Variants in PTPRT observed in about 807,000 individuals in gnomAD.
The protein encoded by PTPRT is protein tyrosine phosphatase receptor type T.
Under a neutral mutation model 176.8 loss-of-function variants are expected in PTPRT, and 56 were observed. That is an observed-to-expected ratio of 0.32 (90% confidence interval 0.26 to 0.40). PTPRT has a LOEUF of 0.40. Ranked by LOEUF, PTPRT falls within the 10% of genes least tolerant of loss-of-function variation. The pLI, the probability that PTPRT is intolerant of heterozygous loss-of-function variation, is 1.00. For missense variants in PTPRT, 1,540 were observed against 1,908.2 expected (o/e 0.81, Z 3.60); for synonymous variants, 783 against 739.0 (o/e 1.06, Z -0.96).
chr20:42,294,853 G>A (rs1176701463), intron 12 of PTPRT, among the ~76,000 whole-genome samples: 1 of 151,996 alleles, frequency 6.6e-6, no homozygotes, highest in Admixed American at 6.6e-5. Context: ...CCTCAGAAAT[G>A]AAGATTAAAT....
chr20:42,450,362 C>G (rs2070806586), intron 8 of PTPRT, among the ~76,000 whole-genome samples: 1 of 152,224 alleles, frequency 6.6e-6, no homozygotes, highest in African/African-American at 2.4e-5. Context: ...CAACAGAAGA[C>G]TATGTCTGTT....
intron 1 of PTPRT, among the ~76,000 whole-genome samples, chr20:43,076,806 G>C (rs1021342956): frequency 3.9e-5 from 6 of 152,078 alleles, no homozygotes; most frequent in African/African-American, 1.4e-4. Flanking sequence ...AGGTCCCTGG[G>C]TCTCTATTAA....
chr20:42,819,809 A>G (rs2077859043), intron 2 of PTPRT, among the ~76,000 whole-genome samples: 1 of 152,220 alleles, frequency 6.6e-6, no homozygotes. Flanking sequence ...AACAAAGATC[A>G]AAAAAGACAA....
At chr20:42,509,950 T>A (rs1331253201) in intron 7 of PTPRT, among the ~76,000 whole-genome samples, 1 of 152,112 alleles carries the variant, frequency 6.6e-6, no homozygotes, top group African/African-American at 2.4e-5. Context: ...GAACCTGGGC[T>A]GTGAAGTCAG....
chr20:42,903,133 A>C (rs2079428060), intron 1 of PTPRT, among the ~76,000 whole-genome samples: 1 of 152,362 alleles, frequency 6.6e-6, no homozygotes, highest in East Asian at 1.9e-4. Flanking sequence ...GGGTATGGAA[A>C]TGGATCCTTA....
intron 16 of PTPRT, among the ~76,000 whole-genome samples, chr20:42,196,155 T>C (rs1006552057): frequency 3.9e-5 from 6 of 152,120 alleles, no homozygotes; most frequent in Non-Finnish European, 8.8e-5. Flanking sequence ...CTTTTACAAA[T>C]GGAAAAAAGT....
chr20:42,210,814 C>T (rs1232526750), intron 15 of PTPRT, among the ~76,000 whole-genome samples: 3 of 152,148 alleles, frequency 2.0e-5, no homozygotes, highest in Admixed American at 6.6e-5. Flanking sequence ...TCATATGGAA[C>T]CAAAGAAGAG....
intron 11 of PTPRT, among the ~76,000 whole-genome samples, chr20:42,316,743 C>T (rs761376911): frequency 3.9e-5 from 6 of 152,180 alleles, no homozygotes; most frequent in Non-Finnish European, 5.9e-5. Flanking sequence ...TGGATCTCAC[C>T]TCATGCATTA....
At chr20:43,146,272 C>T (rs1409478056) in intron 1 of PTPRT, among the ~76,000 whole-genome samples, 15 of 152,200 alleles carry the variant, frequency 9.9e-5, no homozygotes, top group Non-Finnish European at 2.9e-5. Flanking sequence ...AATATGCCAA[C>T]CAGTCCCAGC....
At chr20:42,511,108 A>C (rs1342421363) in intron 7 of PTPRT, among the ~76,000 whole-genome samples, 2 of 152,126 alleles carry the variant, frequency 1.3e-5, no homozygotes, top group Non-Finnish European at 2.9e-5. Context: ...ACATGGCCAC[A>C]TGATGCTCCA....
intron 2 of PTPRT, among the ~76,000 whole-genome samples, chr20:42,851,001 T>C (rs926984503): frequency 6.6e-5 from 10 of 152,214 alleles, no homozygotes; most frequent in Non-Finnish European, 1.5e-5. Context: ...CGTTGCTAAG[T>C]CAAACTTGCA....
chr20:42,163,441 T>A (rs972539660), intron 16 of PTPRT, among the ~76,000 whole-genome samples: 2 of 152,156 alleles, frequency 1.3e-5, no homozygotes, highest in Non-Finnish European at 2.9e-5. Context: ...GGATTTTAGG[T>A]AATAGCTAGT....
At chr20:43,162,269 C>A (rs1286412343) in intron 1 of PTPRT, among the ~76,000 whole-genome samples, 1 of 152,220 alleles carries the variant, frequency 6.6e-6, no homozygotes, top group Non-Finnish European at 1.5e-5. Context: ...TAACAAACAG[C>A]TAGCATTGAA....
chr20:42,732,173 A>T lies in PTPRT; in HGVS notation c.859+24289T>A, dbSNP rs563040698. ...AAACTTTTCTAAAAAAAATAAATAA[A>T]ATTTAAAATTCCATTCCTCAGCCAT... On this transcript the variant is annotated intron_variant, in intron 6 of 30. Coordinates refer to ENST00000373187, the MANE Select transcript of PTPRT (RefSeq NM_007050.6). 4.5e-4 allele frequency among the ~76,000 whole-genome samples: 68 copies of T among 152,328 alleles called. 2 individuals are homozygous for T. In the South Asian group the frequency reaches 0.013, roughly 30 times the overall value.
At chr20:42,683,271 T>TTTTTGTTTTGTTTTGTCTTG (rs1555898535) in intron 6 of PTPRT, among the ~76,000 whole-genome samples, 1 of 149,280 alleles carries the variant, frequency 6.7e-6, no homozygotes, top group African/African-American at 2.5e-5. Flanking sequence ...TTACTTGTTT[T>TTTTTGTTTTGTTTTGTCTTG]TTTTGTTTTG....
chr20:42,376,997 C>T (rs1005143925), intron 9 of PTPRT, among the ~76,000 whole-genome samples: 4 of 152,104 alleles, frequency 2.6e-5, no homozygotes, highest in Non-Finnish European at 5.9e-5. Context: ...TAGTTTGGAT[C>T]GTGTAAAGAG....
chr20:42,214,233 C>T (rs1271397213), intron 15 of PTPRT, among the ~76,000 whole-genome samples: 1 of 152,172 alleles, frequency 6.6e-6, no homozygotes, highest in Non-Finnish European at 1.5e-5. Context: ...AAAGCCATCA[C>T]ATATCTCCCC....
intron 2 of PTPRT, among the ~76,000 whole-genome samples, chr20:42,846,638 T>C (rs954498956): frequency 2.0e-5 from 3 of 152,192 alleles, no homozygotes; most frequent in Admixed American, 2.0e-4. Context: ...TTAATTTAAG[T>C]GAATGAGTTG....
intron 8 of PTPRT, among the ~76,000 whole-genome samples, chr20:42,453,753 C>A (rs187907088): frequency 9.2e-4 from 140 of 151,534 alleles, no homozygotes; most frequent in African/African-American, 3.2e-3. Context: ...TCAATGCAAC[C>A]TCCGCCTCCT....
Sources: gnomAD v4.1 joint callset for allele counts (sites outside exome capture counted in the v4.1 genomes callset) on GRCh38, gnomAD v4.1.1 for gene constraint, MANE v1.5 for transcripts, NCBI Gene and HGNC (gene_info 2026-07-23, HGNC 2026-07-21) for gene names.